The following CELF4 variants were observed in gnomAD, a reference collection of about 807,000 sequenced individuals.
CELF4 encodes the protein CUG-BP- and ETR-3-like factor 4.
A neutral mutation model predicts 59.9 loss-of-function variants in CELF4; 18 were observed. The ratio of observed to expected loss-of-function variants is 0.30; its 90% CI spans 0.21 to 0.45. The LOEUF is 0.45. Among genes scored for constraint, CELF4 ranks in the 20% least tolerant of loss-of-function variants. CELF4 has a pLI of 1.00. For synonymous variants in CELF4, 261 were observed against 267.1 expected (o/e 0.98, Z 0.22); for missense variants, 456 against 689.0 (o/e 0.66, Z 3.79).
In CELF4 at chr18:37,321,817, C is replaced by A; in HGVS notation, c.434G>T (p.Arg145Leu). 1 of 1,611,614 alleles carries A rather than the reference C, an allele frequency of 6.2e-7. No homozygotes were observed. The highest frequency in any genetic ancestry group is 8.5e-7 in the Non-Finnish European group (1 of 1,178,764). The change falls in exon 3 of 13, where the codon CGC becomes CTC. Residue 145 changes from arginine to leucine, a missense_variant. Physicochemically the swap from Arg to Leu is moderately radical, Grantham distance 102. Transcript: ENST00000420428. ...TGGGCCCTCACGTGAAGGGGGCTGGCGCAGGCAGCTACTACCTCCTCGGCT... is the reference window on the plus strand; with the variant it reads ...TGGGCCCTCACGTGAAGGGGGCTGGAGCAGGCAGCTACTACCTCCTCGGCT... ...SESRGGSSCL[R>L]QPPSQDRKLF...
At chr18:37,560,901 G>A (rs759033606) in intron 1 of CELF4, among the ~76,000 whole-genome samples, 1 of 152,124 alleles carries the variant, frequency 6.6e-6, no homozygotes, top group Non-Finnish European at 1.5e-5. Flanking sequence ...ACAAATACAA[G>A]ACATAATTTT....
chr18:37,565,180 C>T (rs1458887271), intron 1 of CELF4, among the ~76,000 whole-genome samples, 176 bp downstream of exon 1: 1 of 152,160 alleles, frequency 6.6e-6, no homozygotes, highest in Admixed American at 6.5e-5. Flanking sequence ...CTTGCCCCAG[C>T]GAACAGCTCC....
chr18:37,291,475 A>C (rs1238285896), intron 3 of CELF4, among the ~76,000 whole-genome samples: 1 of 152,212 alleles, frequency 6.6e-6, no homozygotes. Flanking sequence ...TTCAGCGAAG[A>C]TAAAATGTGA....
Position 37,274,853 on chromosome 18 carries a change from G to C in CELF4, c.609C>G (p.Ala203=), listed in dbSNP as rs781145626. 12 of 1,607,994 alleles carry C rather than the reference G, an allele frequency of 7.5e-6. No homozygotes were observed. The highest frequency in any genetic ancestry group is 1.1e-5 in the South Asian group (1 of 90,250). The change falls in exon 5 of 13, where the codon GCC becomes GCG. Residue 203 remains alanine (A), a synonymous_variant. Transcript: ENST00000420428. ...GCGCGTTGATGGCGGCCTGCGCCTC[G>C]GCGTGGGAGGAGTACTTCACAAAGG... The part of the protein sequence containing the change: ...GCAFVKYSSH[A]EAQAAINALH...
intron 2 of CELF4, among the ~76,000 whole-genome samples, chr18:37,384,096 G>C (rs773139479): frequency 6.6e-6 from 1 of 152,036 alleles, no homozygotes; most frequent in Non-Finnish European, 1.5e-5. Flanking sequence ...CGCTCAATGC[G>C]GGGGTGACAG....
intron 1 of CELF4, among the ~76,000 whole-genome samples, chr18:37,545,662 A>G (rs2099981008): frequency 6.6e-6 from 1 of 152,094 alleles, no homozygotes; most frequent in Admixed American, 6.5e-5. Context: ...CCATCTGCTC[A>G]AGCCTGGATG....
chr18:37,371,499 T>C (rs997061887), intron 2 of CELF4, among the ~76,000 whole-genome samples: 2 of 152,334 alleles, frequency 1.3e-5, no homozygotes, highest in African/African-American at 2.4e-5. Flanking sequence ...TAGCAGCTCC[T>C]CTCCTGATAG....
At chr18:37,356,348 G>A (rs1398381693) in intron 2 of CELF4, among the ~76,000 whole-genome samples, 4 of 152,206 alleles carry the variant, frequency 2.6e-5, no homozygotes, top group Admixed American at 1.3e-4. Context: ...TGAAGGGAGA[G>A]TGACAAAAGG....
At chr18:37,423,125 G>C (rs527820151) in intron 2 of CELF4, among the ~76,000 whole-genome samples, 11 of 151,722 alleles carry the variant, frequency 7.3e-5, no homozygotes, top group Admixed American at 1.3e-4. Context: ...GACAGACAGA[G>C]AGAGTCAGAG....
At chr18:37,386,025 T>G (rs1366260452) in intron 2 of CELF4, among the ~76,000 whole-genome samples, 1 of 152,242 alleles carries the variant, frequency 6.6e-6, no homozygotes, top group African/African-American at 2.4e-5. Context: ...ATTCTAAATA[T>G]GGCCACCAGG....
At chr18:37,327,717 C>T (rs556352428) in intron 2 of CELF4, among the ~76,000 whole-genome samples, 4 of 152,214 alleles carry the variant, frequency 2.6e-5, no homozygotes, top group African/African-American at 4.8e-5. Context: ...CACTCTCCCT[C>T]GGGACAGCTG....
At chr18:37,470,883 T>TGACAGAGAGAGAGA (rs1569569556) in intron 2 of CELF4, among the ~76,000 whole-genome samples, 5 of 83,528 alleles carry the variant, frequency 6.0e-5, no homozygotes, top group African/African-American at 1.8e-4. Flanking sequence ...TGTGTGTGTG[T>TGACAGAGAGAGAGA]GTGTGACAGA....
chr18:37,560,055 G>A (rs1436782630), intron 1 of CELF4, among the ~76,000 whole-genome samples: 1 of 152,200 alleles, frequency 6.6e-6, no homozygotes, highest in African/African-American at 2.4e-5. Flanking sequence ...AATTGGAGCA[G>A]GTGATGAAGG....
intron 2 of CELF4, among the ~76,000 whole-genome samples, chr18:37,477,958 G>A (rs1334416321): frequency 6.6e-6 from 1 of 152,120 alleles, no homozygotes; most frequent in Non-Finnish European, 1.5e-5. Flanking sequence ...AGGGGTGGGG[G>A]TACCATCAGG....
intron 2 of CELF4, among the ~76,000 whole-genome samples, chr18:37,343,777 T>G (rs1359986851): frequency 6.6e-6 from 1 of 152,074 alleles, no homozygotes; most frequent in Non-Finnish European, 1.5e-5. Flanking sequence ...TCTCTAAGAA[T>G]ACGTGTGCAG....
At chr18:37,457,010 C>CT (rs145015805) in intron 2 of CELF4, among the ~76,000 whole-genome samples, 4,069 of 152,328 alleles carry the variant, frequency 0.027, 124 homozygotes, top group East Asian at 0.15. Flanking sequence ...CTCCCAGAAG[C>CT]TCCCTCCCTG....
Position 37,253,120 on chromosome 18 carries a change from A to G in CELF4, c.*44+647T>C, listed in dbSNP as rs2066586000. The stretch of plus-strand genomic sequence containing the variant: ...TAGGCAGGACCCAGCCCAGCAGAAA[A>G]GGTAACAACGACCACTCATCATGAC... On this transcript the variant is annotated intron_variant, in intron 12 of 12. Coordinates refer to ENST00000420428, the MANE Select transcript of CELF4 (RefSeq NM_020180.4). This position sits in a 1 kb window ranked among gnomAD's most constrained non-coding sequence, Gnocchi z 4.5. Among the ~76,000 whole-genome samples the G allele has an allele frequency of 6.6e-6, 1 of 152,144 alleles. No individual in the cohort carries two copies. The highest frequency in any genetic ancestry group is 1.5e-5 in the Non-Finnish European group (1 of 68,030).
At position 37,244,439 on chromosome 18, in the gene CELF4, G is replaced by T. The variant is rs1240367544; in HGVS notation, c.*803C>A. The T allele has an allele frequency of 6.6e-6, 1 of 152,458 alleles. No homozygotes were observed. Among genetic ancestry groups the T allele is most frequent in the African/African-American group, 2.4e-5 (1 of 41,408 alleles). 9.4% of individuals were successfully genotyped at this position (152,458 alleles called of 1,614,324 possible). ...CTTTTAACAGCTCCATCCAGACATAGAATACAGAAAACCATAGGAAAGTGT... is the reference window on the plus strand; with the variant it reads ...CTTTTAACAGCTCCATCCAGACATATAATACAGAAAACCATAGGAAAGTGT... On this transcript the variant is annotated 3_prime_UTR_variant, in exon 13 of 13. Coordinates refer to ENST00000420428, the MANE Select transcript of CELF4 (RefSeq NM_020180.4).
At chr18:37,430,485 A>G (rs972039026) in intron 2 of CELF4, among the ~76,000 whole-genome samples, 7 of 152,170 alleles carry the variant, frequency 4.6e-5, no homozygotes, top group African/African-American at 1.7e-4. Context: ...AGGGAGGGTG[A>G]AGCCAGCAAG....
Sources: allele counts gnomAD v4.1 joint callset (sites outside exome capture counted in the v4.1 genomes callset), GRCh38; gene constraint gnomAD v4.1.1; non-coding constraint Gnocchi (gnomAD v3.1); transcripts MANE v1.5; gene names NCBI Gene and HGNC (gene_info 2026-07-23, HGNC 2026-07-21).